KRT5: variants seen among roughly 807,000 people sequenced by gnomAD.
KRT5 encodes keratin 5.
Under a neutral mutation model 44.0 loss-of-function variants are expected in KRT5, and 17 were observed. The observed-to-expected ratio is 0.39, with a 90% CI of 0.26 to 0.58. The LOEUF is 0.58. Ranked by LOEUF, KRT5 falls within the 20% of genes least tolerant of loss-of-function variation. KRT5 has a pLI of 0.61. For synonymous variants in KRT5, 329 were observed against 312.8 expected, an observed-to-expected ratio of 1.05 and a Z score of -0.55; for missense variants, 737 against 785.5, an observed-to-expected ratio of 0.94 and a Z score of 0.74.
intron 7 of KRT5, 120 bp downstream of exon 7, chr12:52,516,517 G>T: frequency 9.9e-7 from 1 of 1,010,870 alleles, no homozygotes; most frequent in Non-Finnish European, 1.6e-6. Flanking sequence ...AAATAGTGTT[G>T]ATGATGTGTC....
chr12:52,515,384 A>C lies in KRT5; in HGVS notation c.1475-144T>G, dbSNP rs551842938. The C allele has an allele frequency of 1.1e-4, 138 of 1,214,586 alleles. No individual in the cohort carries two copies. In the African/African-American group the frequency reaches 1.8e-3, roughly 16 times the overall value. The allele number at this position is 1,214,586 out of a possible 1,614,324, so 75.2% of individuals were successfully genotyped here. A position where few individuals can be genotyped will look rare whatever the true frequency, so the allele number is the denominator to read the frequency against. On this transcript the variant is annotated intron_variant, in intron 8 of 8. Transcript: ENST00000252242. ...ACAAGGCCCGGAAGAACTGTCATTT[A>C]ATTAAGGTCCCTAAAAAAGTGGGTG... is the stretch of plus-strand genomic sequence containing the variant.
In KRT5 at chr12:52,515,208, C is replaced by T. The variant is rs1477999089; in HGVS notation, c.1507G>A (p.Gly503Ser). The T allele has an allele frequency of 1.9e-6, 3 of 1,610,170 alleles. No individual in the cohort carries two copies. Among genetic ancestry groups the T allele is most frequent in the African/African-American group, 1.3e-5 (1 of 74,850 alleles). The part of the protein sequence containing the change: ...VVTSSVSSGY[G>S]SGSGYGGGLG... ...CCACCGCCATAGCCACTGCCACTGC[C>T]ATATCCAGAGGAAACACTGCTTGTG... The change falls in exon 9 of 9, where the codon GGC (glycine) becomes AGC (serine). Residue 503 changes from glycine to serine, a missense_variant. This residue lies in a region of KRT5 where 344 missense variants were observed against 351.6 expected (regional missense o/e 0.98). Coordinates refer to ENST00000252242, the MANE Select transcript of KRT5 (RefSeq NM_000424.4).
rs182418666 is a variant in KRT5 at position 52,515,545 on chromosome 12, G to A, written c.1474+253C>T. The A allele has an allele frequency of 2.1e-4, 133 of 625,378 alleles. No homozygotes were observed. The African/African-American group carries it at 2.3e-3, about 11-fold the overall frequency. The allele number at this position is 625,378 out of a possible 1,614,324, so 38.7% of individuals were successfully genotyped here. A position where few individuals can be genotyped will look rare whatever the true frequency, so the allele number is the denominator to read the frequency against. The stretch of plus-strand genomic sequence containing the variant: ...GTACTGGGGGGAGCTAGGTACTAGG[G>A]ACAAGGCAGGGGACAGGGTCCAAGA... On this transcript the variant is annotated intron_variant, in intron 8 of 8. Coordinates refer to ENST00000252242, the MANE Select transcript of KRT5 (RefSeq NM_000424.4).
chr12:52,520,374 G>C lies in KRT5; in HGVS notation c.-78C>G. On this transcript the variant is annotated 5_prime_UTR_variant, in exon 1 of 9. Transcript: ENST00000252242. Reference sequence around the variant, plus strand: ...TGCTGGAGAGAACAGAGCTCAGCAGGACGCAGAAGGTGGCTCTGTTACCCA... The same window carrying C: ...TGCTGGAGAGAACAGAGCTCAGCAGCACGCAGAAGGTGGCTCTGTTACCCA... 7.2e-7 allele frequency: 1 copy of C among 1,380,812 alleles called. No homozygotes were observed. Among genetic ancestry groups the C allele is most frequent in the South Asian group, 1.2e-5 (1 of 83,768 alleles). The allele number at this position is 1,380,812 out of a possible 1,614,324, so 85.5% of individuals were successfully genotyped here.
At position 52,520,226 on chromosome 12, in the gene KRT5, G is replaced by C. The variant is rs768490644; in HGVS notation, c.71C>G (p.Thr24Ser). 9 of 1,613,986 alleles carry C rather than the reference G, an allele frequency of 5.6e-6. No homozygotes were observed. Among genetic ancestry groups the C allele is most frequent in the Non-Finnish European group, 7.6e-6 (9 of 1,180,050 alleles). The change falls in exon 1 of 9, where the codon ACC becomes AGC. Residue 24 changes from threonine (T) to serine (S), a missense_variant. Around this residue, in one of 5 missense-constraint regions of KRT5, gnomAD observed 326 missense variants for 333.1 expected, o/e 0.98. Coordinates refer to ENST00000252242, the MANE Select transcript of KRT5 (RefSeq NM_000424.4). ...GAAGCTGGTGCGGGAGACAGACGGG[G>C]TGATGGCAGAGGCGGTGCTGAAGCT... Reference protein sequence around the residue: ...SRSFSTASAITPSVSRTSFTS... With the variant: ...SRSFSTASAISPSVSRTSFTS...
At chr12:52,518,830 TG>T in intron 2 of KRT5, 115 bp downstream of exon 2, 2 of 1,238,398 alleles carry the variant, frequency 1.6e-6, no homozygotes, top group South Asian at 2.4e-5. Context: ...GAGGTGTCCA[TG>T]GAAGGTATAT....
rs753482540 is a variant in KRT5, at chr12:52,519,065, C to T, written c.651G>A (p.Pro217=). 34 of 1,614,212 alleles carry T rather than the reference C, an allele frequency of 2.1e-5. No homozygotes were observed. The highest frequency in any genetic ancestry group is 1.6e-4 in the East Asian group (7 of 44,888). The change falls in exon 2 of 9, where the codon CCG becomes CCA. Residue 217 remains proline, a synonymous_variant. Coordinates refer to ENST00000252242, the MANE Select transcript of KRT5 (RefSeq NM_000424.4). The part of the protein sequence containing the change: ...GTKTVRQNLE[P]LFEQYINNLR... ...GGTTGTTGATGTACTGCTCGAACAACGGCTCCAGGTTCTGCCTCACAGTCT... is the reference window on the plus strand; with the variant it reads ...GGTTGTTGATGTACTGCTCGAACAATGGCTCCAGGTTCTGCCTCACAGTCT...
chr12:52,517,992 C>T lies in KRT5; in HGVS notation c.832G>A (p.Asp278Asn), dbSNP rs756254239. Residue 278 changes from aspartate (D) to asparagine (N), a missense_variant and splice_region_variant, in exon 4 of 9, where the codon GAT (aspartate) becomes AAT (asparagine). Coordinates refer to ENST00000252242, the MANE Select transcript of KRT5 (RefSeq NM_000424.4). ...AENEFVMLKK[D>N]VDAAYMNKVE... ...TTGTTCATGTAGGCAGCATCTACAT[C>T]CTGGGGAAACAGGGATGATTGGCAC... 1.9e-6 allele frequency: 3 copies of T among 1,613,644 alleles called. No individual in the cohort carries two copies. In the Admixed American group the frequency reaches 5.0e-5, roughly 27 times the overall value.
Position 52,516,819 on chromosome 12 carries a change from C to T in KRT5, c.1257G>A (p.Gln419=). 1 of 1,614,224 alleles carries T rather than the reference C, an allele frequency of 6.2e-7. No homozygotes were observed. Reference sequence around the variant, plus strand: ...CATCCTTGAGGGCCAGCTCCCCACGCTGCTCGGCATCCGCAATGGCGTTCT... The same window carrying T: ...CATCCTTGAGGGCCAGCTCCCCACGTTGCTCGGCATCCGCAATGGCGTTCT... The part of the protein sequence containing the change: ...NLQNAIADAE[Q]RGELALKDAR... Residue 419 remains glutamine (Q), a synonymous_variant, in exon 7 of 9, where the codon CAG becomes CAA. Transcript: ENST00000252242.
In KRT5 at chr12:52,517,994, TG is replaced by T. The variant is rs1938642782; in HGVS notation, c.832-3del. 6.2e-7 allele frequency: 1 copy of T among 1,613,488 alleles called. No individual in the cohort carries two copies. Among genetic ancestry groups the T allele is most frequent in the Non-Finnish European group, 8.5e-7 (1 of 1,179,458 alleles). On this transcript the variant is annotated splice_polypyrimidine_tract_variant and splice_region_variant and intron_variant, in intron 3 of 8. Coordinates refer to ENST00000252242, the MANE Select transcript of KRT5 (RefSeq NM_000424.4). ...GTTCATGTAGGCAGCATCTACATCC[TG>T]GGGAAACAGGGATGATTGGCACTGC...
rs367853808 is a variant in KRT5, at chr12:52,520,270, G to C, written c.27C>G (p.Phe9Leu). 6.2e-7 allele frequency: 1 copy of C among 1,613,700 alleles called. No homozygotes were observed. The highest frequency in any genetic ancestry group is 8.5e-7 in the Non-Finnish European group (1 of 1,180,022). ...TGAAGCTACGACTGCCCCCGCTCCG[G>C]AAGGACACACTTGACTGGCGAGACA... MSRQSSVS[F>L]RSGGSRSFST... The change falls in exon 1 of 9, where the codon TTC (phenylalanine) becomes TTG (leucine). Residue 9 changes from phenylalanine to leucine, a missense_variant. Physicochemically the swap from Phe to Leu is conservative, Grantham distance 22. This residue lies in a region of KRT5 where 326 missense variants were observed against 333.1 expected (regional missense o/e 0.98). Transcript: ENST00000252242.
At chr12:52,516,037 GA>G in intron 7 of KRT5, 1 of 609,464 alleles carries the variant, frequency 1.6e-6, no homozygotes, top group South Asian at 2.0e-5. Context: ...AAGTTGTTAG[GA>G]AAGAATTATA....
rs1308300982 is a variant in KRT5 at position 52,519,776 on chromosome 12, G to A, written c.521C>T (p.Thr174Ile). The change falls in exon 1 of 9, where the codon ACC becomes ATC. Residue 174 changes from threonine (T) to isoleucine (I), a missense_variant. By Grantham distance (89) the Thr-to-Ile change is moderately conservative (BLOSUM62 -1). Coordinates refer to ENST00000252242, the MANE Select transcript of KRT5 (RefSeq NM_000424.4). ...GAAGGAGGCAAACTTATTGTTGAGG[G>A]TCTTGATCTGCTCGCGCTCCTCGGT... is the stretch of plus-strand genomic sequence containing the variant. Reference protein sequence around the residue: ...VRTEEREQIKTLNNKFASFID... With the variant: ...VRTEEREQIKILNNKFASFID... 1.2e-6 allele frequency: 2 copies of A among 1,613,852 alleles called. No individual in the cohort carries two copies. The highest frequency in any genetic ancestry group is 2.7e-5 in the African/African-American group (2 of 74,860).
intron 7 of KRT5, 22 bp from the exon 8 acceptor site, chr12:52,515,854 T>C (rs1180761793): frequency 6.2e-7 from 1 of 1,608,842 alleles, no homozygotes; most frequent in Non-Finnish European, 8.5e-7. Context: ...AAAATTGAAT[T>C]AAGGGTTAAC....
intron 2 of KRT5, chr12:52,518,460 A>G (rs768767567): frequency 1.6e-6 from 1 of 609,268 alleles, no homozygotes; most frequent in Non-Finnish European, 3.1e-6. Context: ...TACCTAGTCA[A>G]TTTCTCTAGT....
At chr12:52,516,943 A>G in intron 6 of KRT5, 86 bp from the exon 7 acceptor site, 3 of 1,551,666 alleles carry the variant, frequency 1.9e-6, no homozygotes, top group Admixed American at 3.3e-5. Flanking sequence ...CCAAACTATC[A>G]TGAATCCCAG....
At chr12:52,518,801 T>C (rs1050303772) in intron 2 of KRT5, 145 bp downstream of exon 2, 1 of 994,656 alleles carries the variant, frequency 1.0e-6, no homozygotes, top group Non-Finnish European at 1.5e-6. Flanking sequence ...TGTGTATTTG[T>C]TTGTTTGTTT....
At position 52,519,010 on chromosome 12, in the gene KRT5, C is replaced by T. The variant is rs139036685; in HGVS notation, c.706G>A (p.Glu236Lys). The change falls in exon 2 of 9, where the codon GAA becomes AAA. Residue 236 changes from glutamate (E) to lysine (K), a missense_variant. Glu to Lys is a moderately conservative substitution (Grantham distance 56). This residue lies in a region of KRT5 where 326 missense variants were observed against 333.1 expected (regional missense o/e 0.98). Transcript: ENST00000252242. ...AGCTCTGAGTCCAGGCGGCCCCGTT[C>T]CCCCACGATGCTGTCCAGCTGCCTC... ...LRRQLDSIVG[E>K]RGRLDSELRN... is the part of the protein sequence containing the mutation. The T allele has an allele frequency of 1.9e-6, 3 of 1,614,010 alleles. No homozygotes were observed. The highest frequency in any genetic ancestry group is 1.7e-5 in the Admixed American group (1 of 59,990).
In KRT5 at chr12:52,520,143, C is replaced by A. The variant is rs1938692265; in HGVS notation, c.154G>T (p.Ala52Ser). ...TAGCCACCCACTCCACAAGCACCCG[C>A]AAGGCTGACCCTGCCGAAGCCACCA... is the stretch of plus-strand genomic sequence containing the variant. Reference protein sequence around the residue: ...GGGGFGRVSLAGACGVGGYGS... With the variant: ...GGGGFGRVSLSGACGVGGYGS... The change falls in exon 1 of 9, where the codon GCG becomes TCG. Residue 52 changes from alanine (A) to serine (S), a missense_variant. Coordinates refer to ENST00000252242, the MANE Select transcript of KRT5 (RefSeq NM_000424.4). The A allele has an allele frequency of 1.9e-6, 3 of 1,614,018 alleles. No homozygotes were observed. Among genetic ancestry groups the A allele is most frequent in the Non-Finnish European group, 1.7e-6 (2 of 1,179,932 alleles).
Sources: gnomAD v4.1 joint callset for allele counts on GRCh38, gnomAD v4.1.1 for gene constraint, gnomAD v4.1.1 regional missense constraint, MANE v1.5 for transcripts, NCBI Gene and HGNC (gene_info 2026-07-23, HGNC 2026-07-21) for gene names.